UBASH3A: variants seen among roughly 807,000 people sequenced by gnomAD.
UBASH3A encodes the protein ubiquitin-associated and SH3 domain-containing protein A.
A neutral mutation model predicts 73.5 loss-of-function variants in UBASH3A; 63 were observed. That is an observed-to-expected ratio of 0.86 (90% CI 0.70 to 1.06). The LOEUF is 1.06. UBASH3A is among the 50% of genes least tolerant of loss of function. UBASH3A has a pLI of 0.00. For synonymous variants in UBASH3A, 363 were observed against 351.1 expected, an observed-to-expected ratio of 1.03 and a Z score of -0.38; for missense variants, 860 against 859.0, an observed-to-expected ratio of 1.00 and a Z score of -0.02.
Position 42,426,692 on chromosome 21 carries a change from T to C in UBASH3A, c.1047-5T>C, listed in dbSNP as rs973344. ...TGTTCAAGCCGTGCTTTCCTTCCCC[T>C]GCAGGATGTACACCTTCAGTCTAGC... On this transcript the variant is annotated splice_polypyrimidine_tract_variant and splice_region_variant and intron_variant, in intron 7 of 14. Transcript: ENST00000319294. 56,686 of 1,613,454 alleles carry C rather than the reference T, an allele frequency of 0.035. 1,142 individuals are homozygous for C. The highest frequency in any genetic ancestry group is 0.04 in the Non-Finnish European group (47,463 of 1,179,572).
chr21:42,416,430 C>T lies in UBASH3A; in HGVS notation c.668-12C>T, dbSNP rs1197609862. Reference sequence around the variant, plus strand: ...GTGTCCTGGCACCCTCTGTGTTTCCCTGATTTCACAGACTGCTCCGTGAAG... The same window carrying T: ...GTGTCCTGGCACCCTCTGTGTTTCCTTGATTTCACAGACTGCTCCGTGAAG... On this transcript the variant is annotated splice_polypyrimidine_tract_variant and intron_variant, in intron 5 of 14. Transcript: ENST00000319294. 5.1e-6 allele frequency: 8 copies of T among 1,553,446 alleles called. No individual in the cohort carries two copies. The highest frequency in any genetic ancestry group is 7.0e-6 in the Non-Finnish European group (8 of 1,150,844).
At chr21:42,439,748 CCA>C (rs2053697853) in intron 11 of UBASH3A, among the ~76,000 whole-genome samples, 1 of 143,424 alleles carries the variant, frequency 7.0e-6, no homozygotes, top group Non-Finnish European at 1.5e-5. Flanking sequence ...CCCACACACA[CCA>C]CACACACCCA....
chr21:42,435,128 C>T (rs2053603120), intron 10 of UBASH3A, 174 bp downstream of exon 10: 3 of 691,168 alleles, frequency 4.3e-6, no homozygotes, highest in South Asian at 4.3e-5. Flanking sequence ...CCCAAGGTCA[C>T]ACAGCAAGAA....
At chr21:42,439,939 C>T (rs1475684094) in intron 11 of UBASH3A, among the ~76,000 whole-genome samples, 1 of 146,334 alleles carries the variant, frequency 6.8e-6, no homozygotes, top group African/African-American at 2.5e-5. Context: ...CACATACACA[C>T]ACCACACACA....
At chr21:42,434,728 A>G (rs1349989785) in intron 9 of UBASH3A, 104 bp from the exon 10 acceptor site, 4 of 1,285,462 alleles carry the variant, frequency 3.1e-6, no homozygotes, top group Non-Finnish European at 4.3e-6. Flanking sequence ...AATAATTTCA[A>G]TAATAACATT....
chr21:42,416,225 G>A (rs139738520), intron 5 of UBASH3A, among the ~76,000 whole-genome samples: 187 of 152,072 alleles, frequency 1.2e-3, no homozygotes, highest in Non-Finnish European at 1.9e-3. Context: ...ATAGGCCCCC[G>A]AGACCCTGAA....
At chr21:42,405,995 G>T (rs1203167257) in intron 1 of UBASH3A, among the ~76,000 whole-genome samples, 3 of 150,294 alleles carry the variant, frequency 2.0e-5, no homozygotes, top group Admixed American at 1.3e-4. Context: ...GGGGGGGGGG[G>T]GGCAGGCCAG....
At chr21:42,415,857 T>A (rs1488203751) in intron 5 of UBASH3A, among the ~76,000 whole-genome samples, 1 of 152,156 alleles carries the variant, frequency 6.6e-6, no homozygotes, top group African/African-American at 2.4e-5. Flanking sequence ...TGAAATCAGA[T>A]CCTGGCTGCT....
chr21:42,445,037 C>T (rs1226954287), intron 14 of UBASH3A, among the ~76,000 whole-genome samples: 2 of 152,184 alleles, frequency 1.3e-5, no homozygotes, highest in Admixed American at 6.5e-5. Context: ...AAAAGGAGCC[C>T]CTTGATCCTC....
At chr21:42,414,188 C>T (rs1026578166) in intron 5 of UBASH3A, among the ~76,000 whole-genome samples, 3 of 152,312 alleles carry the variant, frequency 2.0e-5, no homozygotes, top group African/African-American at 7.2e-5. Flanking sequence ...GAGGGCTCCC[C>T]ACTTTCTCTC....
intron 6 of UBASH3A, 140 bp from the exon 7 acceptor site, chr21:42,418,261 G>A: frequency 1.4e-6 from 1 of 717,922 alleles, no homozygotes; most frequent in South Asian, 1.6e-5. Flanking sequence ...GCCAGACAAA[G>A]CTTTGGATGG....
chr21:42,406,331 G>A lies in UBASH3A; in HGVS notation c.137G>A (p.Gly46Glu). Residue 46 changes from glycine to glutamate, a missense_variant, in exon 2 of 15, where the codon GGG becomes GAG. Gly to Glu is a moderately conservative substitution (Grantham distance 98, BLOSUM62 -2). Transcript: ENST00000319294. The part of the protein sequence containing the change: ...HTALKALAAT[G>E]RKTAEEALAW... ...AGGCTGAAAGCGTTGGCAGCCACGGGGAGGAAGACGGCGGAGGAGGCCTTG... is the reference window on the plus strand; with the variant it reads ...AGGCTGAAAGCGTTGGCAGCCACGGAGAGGAAGACGGCGGAGGAGGCCTTG... The A allele has an allele frequency of 6.2e-7, 1 of 1,614,130 alleles. No individual in the cohort carries two copies. The highest frequency in any genetic ancestry group is 1.1e-5 in the South Asian group (1 of 91,080).
intron 8 of UBASH3A, among the ~76,000 whole-genome samples, chr21:42,430,131 T>A (rs1216930869): frequency 1.3e-5 from 2 of 151,972 alleles, no homozygotes. Context: ...TACTTTCTGG[T>A]GTCCCTTCCT....
intron 2 of UBASH3A, among the ~76,000 whole-genome samples, chr21:42,406,885 G>T (rs2052988438): frequency 6.6e-6 from 1 of 152,198 alleles, no homozygotes; most frequent in African/African-American, 2.4e-5. Context: ...GAGATAGATA[G>T]GAGGATGTTT....
intron 8 of UBASH3A, among the ~76,000 whole-genome samples, chr21:42,430,201 C>T (rs1384497219): frequency 6.6e-6 from 1 of 152,198 alleles, no homozygotes; most frequent in Non-Finnish European, 1.5e-5. Context: ...CCACTCTTGC[C>T]AGAGCGAGTG....
Position 42,406,335 on chromosome 21 carries a change from G to A in UBASH3A, c.141G>A (p.Arg47=). 1.2e-6 allele frequency: 2 copies of A among 1,614,118 alleles called. No individual in the cohort carries two copies. The change falls in exon 2 of 15, where the codon AGG becomes AGA. Residue 47 remains arginine, a synonymous_variant. Transcript: ENST00000319294. ...TGAAAGCGTTGGCAGCCACGGGGAG[G>A]AAGACGGCGGAGGAGGCCTTGGCCT... The part of the protein sequence containing the change: ...TALKALAATG[R]KTAEEALAWL...
At chr21:42,416,344 T>G in intron 5 of UBASH3A, 98 bp from the exon 6 acceptor site, 1 of 1,318,618 alleles carries the variant, frequency 7.6e-7, no homozygotes. Flanking sequence ...CTCTGAGTTC[T>G]GAGAGCCCTT....
chr21:42,435,056 C>A, intron 10 of UBASH3A, 102 bp downstream of exon 10: 2 of 1,437,242 alleles, frequency 1.4e-6, no homozygotes, highest in South Asian at 2.6e-5. Context: ...CCCTTTGATA[C>A]AGTGTTAGCT....
At chr21:42,412,330 A>G (rs930712179) in intron 3 of UBASH3A, among the ~76,000 whole-genome samples, 25 of 152,152 alleles carry the variant, frequency 1.6e-4, no homozygotes, top group African/African-American at 6.0e-4. Context: ...TGGGAGCTGC[A>G]TCAGAAAGAG....
Sources: gnomAD v4.1 joint callset for allele counts (sites outside exome capture counted in the v4.1 genomes callset) on GRCh38, gnomAD v4.1.1 for gene constraint, MANE v1.5 for transcripts, NCBI Gene and HGNC (gene_info 2026-07-23, HGNC 2026-07-21) for gene names.